Variants in PTPRT observed in about 807,000 individuals in gnomAD.
PTPRT encodes the protein receptor-type tyrosine-protein phosphatase T.
PTPRT carries 56 observed loss-of-function variants against 176.8 expected under a neutral mutation model. That is an observed-to-expected ratio of 0.32 (90% CI 0.26 to 0.40). The LOEUF is 0.40. Among genes scored for constraint, PTPRT ranks in the 10% least tolerant of loss-of-function variants. The pLI is 1.00. For missense variants in PTPRT, 1,540 were observed against 1,908.2 expected, an observed-to-expected ratio of 0.81 and a Z score of 3.60; for synonymous variants, 783 against 739.0, an observed-to-expected ratio of 1.06 and a Z score of -0.96.
chr20:42,634,879 CA>C (rs2145910091), intron 7 of PTPRT, among the ~76,000 whole-genome samples: 1 of 152,164 alleles, frequency 6.6e-6, no homozygotes, highest in South Asian at 2.1e-4. Context: ...GATTATAAAA[CA>C]AACATTAAAG....
At chr20:43,135,677 A>G (rs1183494056) in intron 1 of PTPRT, among the ~76,000 whole-genome samples, 1 of 152,244 alleles carries the variant, frequency 6.6e-6, no homozygotes, top group Non-Finnish European at 1.5e-5. Flanking sequence ...AGATCCTTCA[A>G]AGCAAACACA....
At chr20:42,936,641 G>A (rs1054004446) in intron 1 of PTPRT, among the ~76,000 whole-genome samples, 1 of 152,266 alleles carries the variant, frequency 6.6e-6, no homozygotes, top group East Asian at 1.9e-4. Context: ...CACTGAGGAG[G>A]CTGCAGGTCT....
chr20:42,650,503 C>T (rs1362123024), intron 7 of PTPRT, among the ~76,000 whole-genome samples: 2 of 152,118 alleles, frequency 1.3e-5, no homozygotes, highest in African/African-American at 4.8e-5. Context: ...TAGAGGGGGC[C>T]TTTTCAAATC....
intron 2 of PTPRT, among the ~76,000 whole-genome samples, chr20:42,866,931 A>T (rs1317512191): frequency 6.6e-6 from 1 of 152,240 alleles, no homozygotes; most frequent in Non-Finnish European, 1.5e-5. Flanking sequence ...AATAAAAGAA[A>T]GATGACAAGT....
chr20:42,381,736 A>T (rs765609294), intron 9 of PTPRT, among the ~76,000 whole-genome samples: 1 of 152,106 alleles, frequency 6.6e-6, no homozygotes, highest in East Asian at 1.9e-4. Flanking sequence ...AAATATGTAA[A>T]TGACCCGATT....
intron 7 of PTPRT, among the ~76,000 whole-genome samples, chr20:42,588,721 T>C (rs1461234551): frequency 2.6e-5 from 4 of 152,168 alleles, no homozygotes; most frequent in African/African-American, 9.7e-5. Context: ...ACATATATGG[T>C]TTGCAGGTCC....
intron 2 of PTPRT, among the ~76,000 whole-genome samples, chr20:42,871,329 AAAT>A (rs1398218426): frequency 6.6e-6 from 1 of 151,174 alleles, no homozygotes; most frequent in African/African-American, 2.5e-5. Context: ...AAAAAAAAAA[AAAT>A]CAGGTTATTT....
intron 2 of PTPRT, among the ~76,000 whole-genome samples, chr20:42,862,111 C>CT (rs917606644): frequency 7.2e-5 from 11 of 152,040 alleles, no homozygotes; most frequent in Middle Eastern, 3.4e-3. Context: ...ACATTTTACC[C>CT]TTTTTTTTGG....
At position 43,189,721 on chromosome 20, in the gene PTPRT, C is replaced by T; in HGVS notation, c.13G>A (p.Ala5Thr). Residue 5 changes from alanine (A) to threonine (T), a missense_variant, in exon 1 of 31, where the codon GCC (alanine) becomes ACC (threonine). Around this residue, in one of 11 missense-constraint regions of PTPRT, gnomAD observed 116 missense variants for 118.5 expected, o/e 0.98. Transcript: ENST00000373187. This position sits in a 1 kb window ranked among gnomAD's most constrained non-coding sequence, Gnocchi z 5.0. ...AGGAGCAGGCTGAGGGCGAGCGCGG[C>T]GAGGCTCGCCATCCGGGCGGCGGCG... MASL[A>T]ALALSLLLRL... 1 of 1,256,338 alleles carries T rather than the reference C, an allele frequency of 8.0e-7. No individual in the cohort carries two copies. The highest frequency in any genetic ancestry group is 1.0e-6 in the Non-Finnish European group (1 of 1,002,552). 77.8% of individuals were successfully genotyped at this position (1,256,338 alleles called of 1,614,324 possible). A position where few individuals can be genotyped will look rare whatever the true frequency, so the allele number is the denominator to read the frequency against.
intron 17 of PTPRT, among the ~76,000 whole-genome samples, chr20:42,150,006 C>T (rs4404341): frequency 0.13 from 20,364 of 152,130 alleles, 3,504 homozygotes; most frequent in African/African-American, 0.4. Context: ...TGAAACCTAC[C>T]TCAATGTCCC....
At chr20:42,770,043 T>C (rs1019377808) in intron 5 of PTPRT, among the ~76,000 whole-genome samples, 2 of 152,252 alleles carry the variant, frequency 1.3e-5, no homozygotes, top group Non-Finnish European at 2.9e-5. Flanking sequence ...ATTGTGGTAA[T>C]AGTTTCACAT....
chr20:42,074,508 A>G lies in PTPRT; in HGVS notation c.*6371T>C, dbSNP rs1457792104. On this transcript the variant is annotated 3_prime_UTR_variant, in exon 31 of 31. Transcript: ENST00000373187. ...TCTCCGAACATTCCAATTAAGGATC[A>G]GAGTCCACATCTCACCACCCAGAGC... The G allele has an allele frequency of 1.2e-5, 4 of 347,376 alleles. No homozygotes were observed. The highest frequency in any genetic ancestry group is 4.1e-5 in the East Asian group (1 of 24,182). 21.5% of individuals were successfully genotyped at this position (347,376 alleles called of 1,614,324 possible). A position where few individuals can be genotyped will look rare whatever the true frequency, so the allele number is the denominator to read the frequency against.
chr20:42,308,390 A>G (rs2057577319), intron 12 of PTPRT, among the ~76,000 whole-genome samples: 1 of 152,068 alleles, frequency 6.6e-6, no homozygotes, highest in Non-Finnish European at 1.5e-5. Context: ...GTCATGGGTG[A>G]GTCAAGGCGG....
chr20:42,530,237 C>T (rs560016601), intron 7 of PTPRT, among the ~76,000 whole-genome samples: 1 of 152,298 alleles, frequency 6.6e-6, no homozygotes, highest in South Asian at 2.1e-4. Context: ...TGAAAGGAGC[C>T]CAGCCTTTAA....
At chr20:42,363,282 ATATATATATATATATATATTTTTTTTT>A (rs956638566) in intron 9 of PTPRT, among the ~76,000 whole-genome samples, 4 of 16,056 alleles carry the variant, frequency 2.5e-4, no homozygotes, top group African/African-American at 1.1e-3. Context: ...ATATATATAT[ATATATATATATATATATATTTTTTTTT>A]TTTTTTTTTT....
intron 4 of PTPRT, among the ~76,000 whole-genome samples, chr20:42,774,794 C>T (rs1459646523): frequency 2.0e-5 from 3 of 152,210 alleles, no homozygotes; most frequent in Non-Finnish European, 1.5e-5. Context: ...TGCTCAAGAC[C>T]CTTGTCTCTG....
At chr20:43,154,813 G>T (rs142239264) in intron 1 of PTPRT, among the ~76,000 whole-genome samples, 2,249 of 152,128 alleles carry the variant, frequency 0.015, 37 homozygotes, top group Non-Finnish European at 0.019. Flanking sequence ...CTGATAAGGG[G>T]TTAATATTCA....
intron 7 of PTPRT, among the ~76,000 whole-genome samples, chr20:42,548,986 C>T (rs2072722182): frequency 6.6e-6 from 1 of 152,048 alleles, no homozygotes; most frequent in Admixed American, 6.5e-5. Context: ...CTGGGGAGCT[C>T]TAGAAACTCA....
At chr20:43,052,806 C>T (rs1264957254) in intron 1 of PTPRT, among the ~76,000 whole-genome samples, 1 of 152,162 alleles carries the variant, frequency 6.6e-6, no homozygotes, top group Non-Finnish European at 1.5e-5. Context: ...TCCCCAAATG[C>T]TCCCAGCTTT....
Sources: gnomAD v4.1 joint callset for allele counts (sites outside exome capture counted in the v4.1 genomes callset) on GRCh38, gnomAD v4.1.1 for gene constraint, gnomAD v4.1.1 regional missense constraint, Gnocchi (gnomAD v3.1) non-coding constraint, MANE v1.5 for transcripts, NCBI Gene and HGNC (gene_info 2026-07-23, HGNC 2026-07-21) for gene names.